The following NOX3 variants were observed in gnomAD, a reference collection of about 807,000 sequenced individuals.
NOX3 encodes NADPH oxidase catalytic subunit-like 3.
Under a neutral mutation model 76.7 loss-of-function variants are expected in NOX3, and 74 were observed. That is an observed-to-expected ratio of 0.96 (90% CI 0.80 to 1.17). NOX3 has a LOEUF of 1.17. Ranked by LOEUF, NOX3 falls within the 50% of genes most tolerant of loss-of-function variation. The pLI is 0.00. For missense variants in NOX3, 695 were observed against 703.3 expected (o/e 0.99, Z 0.13); for synonymous variants, 263 against 261.1 (o/e 1.01, Z -0.07).
intron 10 of NOX3, among the ~76,000 whole-genome samples, chr6:155,420,240 C>A (rs139477197): frequency 1.9e-3 from 286 of 152,226 alleles, no homozygotes; most frequent in African/African-American, 6.1e-3. Context: ...CTGAGCAGGA[C>A]TTGAAATATT....
At chr6:155,442,539 G>A (rs1437277383) in intron 5 of NOX3, among the ~76,000 whole-genome samples, 6 of 152,324 alleles carry the variant, frequency 3.9e-5, no homozygotes, top group African/African-American at 1.4e-4. Flanking sequence ...TTTTAGTCTG[G>A]TCAACGTGCT....
chr6:155,403,091 G>T (rs1307116822), intron 12 of NOX3, among the ~76,000 whole-genome samples: 3 of 152,156 alleles, frequency 2.0e-5, no homozygotes, highest in African/African-American at 7.2e-5. Context: ...TAATTGGATT[G>T]TGTGTTTCAT....
At chr6:155,405,005 T>G (rs1415179795) in intron 12 of NOX3, among the ~76,000 whole-genome samples, 1 of 151,864 alleles carries the variant, frequency 6.6e-6, no homozygotes, top group Non-Finnish European at 1.5e-5. Flanking sequence ...ACAGAAAGAG[T>G]GTGAAAAAAA....
At chr6:155,414,162 T>C (rs1193623985) in intron 10 of NOX3, among the ~76,000 whole-genome samples, 1 of 152,176 alleles carries the variant, frequency 6.6e-6, no homozygotes, top group Non-Finnish European at 1.5e-5. Flanking sequence ...ATAGGCTCAG[T>C]AGAAGTGTTT....
At chr6:155,406,893 T>A (rs546115744) in intron 12 of NOX3, among the ~76,000 whole-genome samples, 1 of 152,324 alleles carries the variant, frequency 6.6e-6, no homozygotes, top group South Asian at 2.1e-4. Flanking sequence ...AGAAATACCA[T>A]CTTTAAATGG....
chr6:155,451,496 C>T (rs79218065), intron 4 of NOX3, among the ~76,000 whole-genome samples: 3,398 of 152,262 alleles, frequency 0.022, 122 homozygotes, highest in African/African-American at 0.078. Flanking sequence ...GGGGGATATT[C>T]ATTATACGTT....
intron 12 of NOX3, among the ~76,000 whole-genome samples, chr6:155,400,240 G>C (rs954492546): frequency 1.3e-5 from 2 of 152,180 alleles, no homozygotes; most frequent in African/African-American, 4.8e-5. Flanking sequence ...GGGTGCGCCC[G>C]GGAGTGATCC....
chr6:155,400,374 A>T (rs1282543495), intron 12 of NOX3, among the ~76,000 whole-genome samples: 3 of 151,694 alleles, frequency 2.0e-5, no homozygotes, highest in Non-Finnish European at 4.4e-5. Flanking sequence ...CAGACCCTAA[A>T]CCCTATTTAA....
At position 155,427,819 on chromosome 6, in the gene NOX3, C is replaced by T. The variant is rs565196765; in HGVS notation, c.1145+975G>A. Among the ~76,000 whole-genome samples, 4 of 152,306 alleles carry T rather than the reference C, an allele frequency of 2.6e-5. No homozygotes were observed. In the South Asian group the frequency reaches 6.2e-4, roughly 24 times the overall value. ...GGAATTGACCCGAAGCCATTGTTTA[C>T]TGAACAGAGCTGAGGAGTGGTCATT... On this transcript the variant is annotated intron_variant, in intron 9 of 13. Transcript: ENST00000159060.
chr6:155,407,937 A>G (rs1776486464), intron 11 of NOX3, among the ~76,000 whole-genome samples: 1 of 152,068 alleles, frequency 6.6e-6, no homozygotes, highest in Admixed American at 6.5e-5. Context: ...CCACAGCATA[A>G]TCCCTTGTGA....
chr6:155,400,641 C>CT (rs5881132), intron 12 of NOX3, among the ~76,000 whole-genome samples: 5,305 of 146,082 alleles, frequency 0.036, 196 homozygotes, highest in African/African-American at 0.096. Flanking sequence ...TGCTGGCCAG[C>CT]TTTTTTTTTT....
chr6:155,427,272 C>A (rs760902040), intron 9 of NOX3, among the ~76,000 whole-genome samples: 2 of 152,092 alleles, frequency 1.3e-5, no homozygotes, highest in African/African-American at 2.4e-5. Flanking sequence ...TGTGACTCTT[C>A]CTACCCACTA....
At chr6:155,447,499 G>A (rs73010668) in intron 4 of NOX3, among the ~76,000 whole-genome samples, 4,011 of 152,190 alleles carry the variant, frequency 0.026, 94 homozygotes, top group Non-Finnish European at 0.032. Context: ...TTGTTGCCAG[G>A]TCTCCCATAA....
chr6:155,453,611 C>A (rs1777174652), intron 3 of NOX3, 123 bp from the exon 4 acceptor site: 2 of 746,788 alleles, frequency 2.7e-6, no homozygotes, highest in African/African-American at 1.7e-5. Context: ...CTATGTGACA[C>A]AAAAGTTAAT....
At chr6:155,423,848 C>G (rs1203282925) in intron 9 of NOX3, among the ~76,000 whole-genome samples, 1 of 151,376 alleles carries the variant, frequency 6.6e-6, no homozygotes, top group Non-Finnish European at 1.5e-5. Context: ...TCAAGCGACT[C>G]TTCTGACTCA....
intron 12 of NOX3, among the ~76,000 whole-genome samples, chr6:155,403,141 A>G (rs1237533219): frequency 1.3e-5 from 2 of 152,254 alleles, no homozygotes; most frequent in Admixed American, 1.3e-4. Context: ...AATACTTCTC[A>G]ATATTAGATT....
chr6:155,400,888 G>T (rs551727504), intron 12 of NOX3, among the ~76,000 whole-genome samples: 1 of 152,144 alleles, frequency 6.6e-6, no homozygotes, highest in East Asian at 1.9e-4. Flanking sequence ...GCACATACTG[G>T]CCATTTTGCT....
intron 10 of NOX3, among the ~76,000 whole-genome samples, chr6:155,422,088 C>T (rs760991684): frequency 6.6e-6 from 1 of 152,218 alleles, no homozygotes; most frequent in African/African-American, 2.4e-5. Context: ...TATCAGGGCT[C>T]TTTGCCTACC....
In NOX3 at chr6:155,440,695, A is replaced by C. The variant is rs972076541; in HGVS notation, c.487-558T>G. ...AAAAAAGAAAAAACAAAAAAAAAAA[A>C]AACCAAAGTGATTATGTTGAATTGA... On this transcript the variant is annotated intron_variant, in intron 5 of 13. Transcript: ENST00000159060. Among the ~76,000 whole-genome samples, 32 of 152,280 alleles carry C rather than the reference A, an allele frequency of 2.1e-4. 1 individual carries two copies. Among genetic ancestry groups the C allele is most frequent in the African/African-American group, 7.0e-4 (29 of 41,554 alleles).
Sources: allele counts gnomAD v4.1 joint callset (sites outside exome capture counted in the v4.1 genomes callset), GRCh38; gene constraint gnomAD v4.1.1; transcripts MANE v1.5; gene names NCBI Gene and HGNC (gene_info 2026-07-23, HGNC 2026-07-21).